The following MYOM2 variants were observed in gnomAD, a reference collection of about 807,000 sequenced individuals.
MYOM2 encodes the protein myomesin-2.
In MYOM2, 254 loss-of-function variants were observed where a neutral mutation model predicts 187.6. The ratio of observed to expected loss-of-function variants is 1.35; its 90% CI spans 1.22 to 1.50. The LOEUF (loss-of-function observed/expected upper bound fraction) is 1.50. Among genes scored for constraint, MYOM2 ranks in the 40% most tolerant of loss-of-function variants. The pLI is 0.00. For missense variants in MYOM2, 2,796 were observed against 1,924.0 expected (o/e 1.45, Z -8.48); for synonymous variants, 981 against 753.8 (o/e 1.30, Z -4.94).
rs1371911865 is a variant in MYOM2 at position 2,069,322 on chromosome 8, A to G, written c.698A>G (p.Asn233Ser). ...GCGACATACTCAGCAGTGGCCACCAATGCCCACGGACAAGTGTCCACCAAC... is the reference window on the plus strand; with the variant it reads ...GCGACATACTCAGCAGTGGCCACCAGTGCCCACGGACAAGTGTCCACCAAC... ...DTATYSAVAT[N>S]AHGQVSTNAA... Residue 233 changes from asparagine to serine, a missense_variant, in exon 7 of 37, where the codon AAT becomes AGT. By Grantham distance (46) the Asn-to-Ser change is conservative. Coordinates refer to ENST00000262113, the MANE Select transcript of MYOM2 (RefSeq NM_003970.4). 6.2e-7 allele frequency: 1 copy of G among 1,613,838 alleles called. No individual in the cohort carries two copies. The highest frequency in any genetic ancestry group is 8.5e-7 in the Non-Finnish European group (1 of 1,179,936).
rs948076739 is a variant in MYOM2, at chr8:2,145,252, A to C, written c.*271A>C. The C allele has an allele frequency of 9.0e-6, 5 of 556,614 alleles. No homozygotes were observed. Among genetic ancestry groups the C allele is most frequent in the Non-Finnish European group, 1.3e-5 (4 of 318,332 alleles). 34.5% of individuals were successfully genotyped at this position (556,614 alleles called of 1,614,324 possible). On this transcript the variant is annotated 3_prime_UTR_variant, in exon 37 of 37. Transcript: ENST00000262113. ...CAGAGAGTGGGTTGGCAGACAACAC[A>C]CTAGAATTTTCACGGGTGTGGGCAC...
At chr8:2,113,777 C>A (rs1797146443) in intron 25 of MYOM2, among the ~76,000 whole-genome samples, 1 of 152,240 alleles carries the variant, frequency 6.6e-6, no homozygotes, top group Non-Finnish European at 1.5e-5. Flanking sequence ...TCAGAGACCA[C>A]AGCCACCTCA....
At chr8:2,073,562 C>G (rs1294004576) in intron 10 of MYOM2, 62 bp downstream of exon 10, 2 of 1,514,986 alleles carry the variant, frequency 1.3e-6, no homozygotes, top group Non-Finnish European at 1.8e-6. Flanking sequence ...GGAGGCAGCC[C>G]TGGGAGGAGG....
chr8:2,116,718 C>T (rs966207398), intron 27 of MYOM2, among the ~76,000 whole-genome samples: 4 of 152,122 alleles, frequency 2.6e-5, no homozygotes, highest in Admixed American at 2.0e-4. Context: ...AAAATGGATA[C>T]ACTTTAGATT....
Position 2,057,300 on chromosome 8 carries a change from G to A in MYOM2, c.264-48G>A, listed in dbSNP as rs1201195342. On this transcript the variant is annotated intron_variant, in intron 3 of 36. Transcript: ENST00000262113. ...CTTTCCGGCCTTCGGGGGCCACGTG[G>A]TTTTCTTCGTGACTCCTGCAACTGA... The A allele has an allele frequency of 3.2e-6, 5 of 1,567,464 alleles. No homozygotes were observed. In the African/African-American group the frequency reaches 5.5e-5, roughly 17 times the overall value.
At position 2,078,826 on chromosome 8, in the gene MYOM2, C is replaced by T. The variant is rs201806093; in HGVS notation, c.1355C>T (p.Ser452Phe). Residue 452 changes from serine (S) to phenylalanine (F), a missense_variant, in exon 12 of 37, where the codon TCT (serine) becomes TTT (phenylalanine). Transcript: ENST00000262113. ...GTCACAGGGCTTTTTGAAGGAAGGT[C>T]TTACATATTCCGAGTGAGGGCAGTG... ...YPVTGLFEGR[S>F]YIFRVRAVNS... 193 of 1,614,126 alleles carry T rather than the reference C, an allele frequency of 1.2e-4. 2 individuals are homozygous for T. In the South Asian group the frequency reaches 2.1e-3, roughly 17 times the overall value.
chr8:2,096,574 A>G (rs1796494478), intron 18 of MYOM2, 140 bp downstream of exon 18: 1 of 849,576 alleles, frequency 1.2e-6, no homozygotes, highest in Admixed American at 2.9e-5. Context: ...GAGATCATGA[A>G]GTTTTGGAGC....
intron 32 of MYOM2, among the ~76,000 whole-genome samples, chr8:2,133,056 T>C (rs986700233): frequency 6.6e-6 from 1 of 152,166 alleles, no homozygotes; most frequent in African/African-American, 2.4e-5. Flanking sequence ...CTGTGACAGC[T>C]GCAGGGGTGG....
intron 33 of MYOM2, 118 bp from the exon 34 acceptor site, chr8:2,141,018 ATAAAT>A: frequency 4.5e-6 from 6 of 1,328,644 alleles, no homozygotes; most frequent in Non-Finnish European, 6.1e-6. Flanking sequence ...AAATGAAAAA[ATAAAT>A]TTATTCTTTT....
Position 2,057,360 on chromosome 8 carries a change from G to A in MYOM2, c.276G>A (p.Leu92=), listed in dbSNP as rs548711392. The change falls in exon 4 of 37, where the codon CTG becomes CTA. Residue 92 remains leucine, a synonymous_variant. Coordinates refer to ENST00000262113, the MANE Select transcript of MYOM2 (RefSeq NM_003970.4). ...EQENRSRYQS[L]VAAYGEAKRQ... ...TCGGCTCCTGCAGGTACCAGTCCCT[G>A]GTGGCCGCCTATGGTGAGGCCAAGC... is the stretch of plus-strand genomic sequence containing the variant. The A allele has an allele frequency of 6.2e-7, 1 of 1,607,364 alleles. No homozygotes were observed. The highest frequency in any genetic ancestry group is 1.3e-5 in the African/African-American group (1 of 74,832).
At chr8:2,059,102 A>G (rs749422299) in intron 5 of MYOM2, 51 bp from the exon 6 acceptor site, 2 of 1,527,646 alleles carry the variant, frequency 1.3e-6, no homozygotes, top group Middle Eastern at 1.7e-4. Context: ...AATTGCACAC[A>G]CACAAAATAC....
intron 13 of MYOM2, chr8:2,081,755 CG>C (rs940160577): frequency 2.0e-5 from 3 of 152,502 alleles, no homozygotes; most frequent in African/African-American, 7.2e-5. Context: ...ACACGAAGCC[CG>C]CTGTTCATGA....
At chr8:2,134,400 G>A (rs1198834985) in intron 32 of MYOM2, among the ~76,000 whole-genome samples, 1 of 152,200 alleles carries the variant, frequency 6.6e-6, no homozygotes, top group Non-Finnish European at 1.5e-5. Context: ...GCTGATACCT[G>A]ATCACTGGGT....
intron 31 of MYOM2, among the ~76,000 whole-genome samples, chr8:2,128,879 A>T (rs1038884193): frequency 2.6e-5 from 4 of 152,184 alleles, no homozygotes; most frequent in African/African-American, 9.7e-5. Flanking sequence ...CTTTTTAGAC[A>T]GTTCTATATC....
At chr8:2,064,645 G>C (rs560279783) in intron 6 of MYOM2, among the ~76,000 whole-genome samples, 2 of 152,192 alleles carry the variant, frequency 1.3e-5, no homozygotes, top group Non-Finnish European at 2.9e-5. Flanking sequence ...GTGCTAATGC[G>C]CGAGGTTGCA....
Position 2,123,438 on chromosome 8 carries a change from C to G in MYOM2, c.3567+73C>G, listed in dbSNP as rs1260448199. On this transcript the variant is annotated intron_variant, in intron 29 of 36. Coordinates refer to ENST00000262113, the MANE Select transcript of MYOM2 (RefSeq NM_003970.4). ...TCAAATAACTCGTAAATTCTACAAT[C>G]CTCTAATTTGCATCCTGAATTTCGG... 2.7e-6 allele frequency: 4 copies of G among 1,459,234 alleles called. No homozygotes were observed. The South Asian group carries it at 4.7e-5, about 17-fold the overall frequency. 90.4% of individuals were successfully genotyped at this position (1,459,234 alleles called of 1,614,324 possible).
chr8:2,078,488 A>G (rs1023221465), intron 11 of MYOM2, among the ~76,000 whole-genome samples: 3 of 152,184 alleles, frequency 2.0e-5, no homozygotes, highest in Non-Finnish European at 2.9e-5. Flanking sequence ...GCTATAAATT[A>G]TTAAGATTCA....
At chr8:2,048,852 C>T (rs141134515) in intron 1 of MYOM2, among the ~76,000 whole-genome samples, 6,140 of 151,280 alleles carry the variant, frequency 0.041, 176 homozygotes, top group South Asian at 0.061. Context: ...TGCAGTGGCG[C>T]GATCTCGGCT....
At chr8:2,060,261 C>G (rs1041816589) in intron 6 of MYOM2, among the ~76,000 whole-genome samples, 6 of 152,092 alleles carry the variant, frequency 3.9e-5, no homozygotes, top group African/African-American at 1.4e-4. Flanking sequence ...TGTCCAGGAG[C>G]CAGAAGGCCA....
Sources: gnomAD v4.1 joint callset for allele counts (sites outside exome capture counted in the v4.1 genomes callset) on GRCh38, gnomAD v4.1.1 for gene constraint, MANE v1.5 for transcripts, NCBI Gene and HGNC (gene_info 2026-07-23, HGNC 2026-07-21) for gene names.